Variants in CAMK2D observed in about 807,000 individuals in gnomAD.
CAMK2D encodes calcium/calmodulin-dependent protein kinase type II subunit delta.
In CAMK2D, 37 loss-of-function variants were observed where a neutral mutation model predicts 84.0. That is an observed-to-expected ratio of 0.44 (90% CI 0.34 to 0.58). The LOEUF (loss-of-function observed/expected upper bound fraction) is 0.58. CAMK2D is among the 20% of genes least tolerant of loss of function. The pLI, the probability that CAMK2D is intolerant of heterozygous loss-of-function variation, is 0.02. For missense variants in CAMK2D, 448 were observed against 652.5 expected (o/e 0.69, Z 3.41); for synonymous variants, 202 against 212.5 (o/e 0.95, Z 0.43).
chr4:113,556,532 T>C (rs912307209), intron 4 of CAMK2D, among the ~76,000 whole-genome samples: 2 of 152,124 alleles, frequency 1.3e-5, no homozygotes, highest in Non-Finnish European at 2.9e-5. Flanking sequence ...GTAGGAGTGT[T>C]ACTGGGTGTC....
chr4:113,761,127 C>T lies in CAMK2D; in HGVS notation c.-59G>A. 6.2e-7 allele frequency: 1 copy of T among 1,610,182 alleles called. No homozygotes were observed. The highest frequency in any genetic ancestry group is 2.2e-5 in the East Asian group (1 of 44,844). ...GACGGACCAGAAGCGAGCAGACGCG[C>T]GGCTAACCCCGGGACTGGCCCCGCG... On this transcript the variant is annotated 5_prime_UTR_variant, in exon 1 of 21. Coordinates refer to ENST00000511664, the MANE Select transcript of CAMK2D (RefSeq NM_001321571.2).
chr4:113,761,133 A>G lies in CAMK2D; in HGVS notation c.-65T>C, dbSNP rs2099640589. On this transcript the variant is annotated 5_prime_UTR_variant, in exon 1 of 21. Coordinates refer to ENST00000511664, the MANE Select transcript of CAMK2D (RefSeq NM_001321571.2). ...CCAGAAGCGAGCAGACGCGCGGCTA[A>G]CCCCGGGACTGGCCCCGCGGCGCTG... 2 of 1,596,742 alleles carry G rather than the reference A, an allele frequency of 1.3e-6. No individual in the cohort carries two copies. Among genetic ancestry groups the G allele is most frequent in the African/African-American group, 2.7e-5 (2 of 74,412 alleles).
At chr4:113,746,595 C>T (rs1047521902) in intron 2 of CAMK2D, among the ~76,000 whole-genome samples, 2 of 151,990 alleles carry the variant, frequency 1.3e-5, no homozygotes, top group African/African-American at 4.8e-5. Flanking sequence ...CTTGTTTTCC[C>T]TTTTCCTGAT....
chr4:113,536,152 A>C (rs1297342666), intron 7 of CAMK2D, among the ~76,000 whole-genome samples: 1 of 152,218 alleles, frequency 6.6e-6, no homozygotes, highest in Non-Finnish European at 1.5e-5. Context: ...AAAATATTAT[A>C]AACAGAATGA....
chr4:113,525,890 AAG>A (rs1484354919), intron 8 of CAMK2D, among the ~76,000 whole-genome samples: 2 of 152,220 alleles, frequency 1.3e-5, no homozygotes, highest in Non-Finnish European at 2.9e-5. Context: ...ATGGCTAAAA[AAG>A]AGTTTCCCTC....
chr4:113,488,013 A>G (rs1003742371), intron 16 of CAMK2D, among the ~76,000 whole-genome samples: 1 of 152,068 alleles, frequency 6.6e-6, no homozygotes, highest in Non-Finnish European at 1.5e-5. Flanking sequence ...GCTCAAATAT[A>G]GATTTCAGAT....
At chr4:113,633,945 T>C (rs1465040586) in intron 3 of CAMK2D, among the ~76,000 whole-genome samples, 2 of 152,256 alleles carry the variant, frequency 1.3e-5, no homozygotes, top group Admixed American at 1.3e-4. Context: ...AACCACACAA[T>C]AGTTGGAAAA....
chr4:113,748,763 G>A (rs991408219), intron 2 of CAMK2D, among the ~76,000 whole-genome samples: 9 of 151,710 alleles, frequency 5.9e-5, no homozygotes, highest in African/African-American at 2.2e-4. Flanking sequence ...CTTGTTTGGG[G>A]GAAATGAACT....
intron 6 of CAMK2D, among the ~76,000 whole-genome samples, chr4:113,540,577 C>T (rs1560821375): frequency 6.6e-6 from 1 of 152,160 alleles, no homozygotes; most frequent in Non-Finnish European, 1.5e-5. Context: ...ATGCCTGGAG[C>T]TAATTAATTA....
At chr4:113,586,490 GA>G (rs1234127628) in intron 4 of CAMK2D, among the ~76,000 whole-genome samples, 1 of 152,150 alleles carries the variant, frequency 6.6e-6, no homozygotes, top group Non-Finnish European at 1.5e-5. Context: ...AAAGAGTCCT[GA>G]AGAATGCACT....
At chr4:113,456,057 A>G (rs2097299591) in intron 19 of CAMK2D, among the ~76,000 whole-genome samples, 1 of 152,110 alleles carries the variant, frequency 6.6e-6, no homozygotes, top group African/African-American at 2.4e-5. Context: ...TCTTAATTAC[A>G]TAGCTATGGT....
chr4:113,615,162 T>C (rs1027913958), intron 3 of CAMK2D, among the ~76,000 whole-genome samples: 10 of 152,132 alleles, frequency 6.6e-5, no homozygotes, highest in African/African-American at 2.2e-4. Context: ...CAGTAGTTAA[T>C]TATAATTCAT....
At chr4:113,522,205 G>A (rs1278676085) in intron 8 of CAMK2D, among the ~76,000 whole-genome samples, 1 of 152,182 alleles carries the variant, frequency 6.6e-6, no homozygotes, top group African/African-American at 2.4e-5. Flanking sequence ...CTTACAAAAG[G>A]AGAGATGAAG....
At chr4:113,588,925 T>C (rs1000514477) in intron 4 of CAMK2D, among the ~76,000 whole-genome samples, 2 of 150,100 alleles carry the variant, frequency 1.3e-5, no homozygotes, top group Non-Finnish European at 3.0e-5. Context: ...TTAAGAAAAG[T>C]TGGTGAAGAA....
intron 3 of CAMK2D, among the ~76,000 whole-genome samples, chr4:113,626,800 C>T (rs961217985): frequency 1.3e-5 from 2 of 152,182 alleles, no homozygotes; most frequent in East Asian, 3.9e-4. Flanking sequence ...CAACATTTCT[C>T]GTAATGATGA....
intron 8 of CAMK2D, among the ~76,000 whole-genome samples, chr4:113,518,686 G>A (rs970212071): frequency 7.9e-5 from 12 of 152,116 alleles, no homozygotes; most frequent in African/African-American, 2.9e-4. Flanking sequence ...AGTAAGACAG[G>A]TGACACTTTG....
intron 6 of CAMK2D, among the ~76,000 whole-genome samples, chr4:113,546,641 A>C (rs985184233): frequency 6.6e-6 from 1 of 152,218 alleles, no homozygotes; most frequent in Non-Finnish European, 1.5e-5. Context: ...CTCTCACTAA[A>C]CACACATAGT....
intron 3 of CAMK2D, among the ~76,000 whole-genome samples, chr4:113,638,073 C>G (rs189968248): frequency 2.6e-5 from 4 of 152,256 alleles, no homozygotes; most frequent in Non-Finnish European, 4.4e-5. Context: ...GAGCTGGCTC[C>G]CCTGATCACT....
chr4:113,631,518 T>C (rs1407893783), intron 3 of CAMK2D, among the ~76,000 whole-genome samples: 2 of 152,188 alleles, frequency 1.3e-5, no homozygotes, highest in African/African-American at 4.8e-5. Context: ...CTAGTGATTT[T>C]GTGAGTTATT....
Sources: gnomAD v4.1 joint callset for allele counts (sites outside exome capture counted in the v4.1 genomes callset) on GRCh38, gnomAD v4.1.1 for gene constraint, MANE v1.5 for transcripts, NCBI Gene and HGNC (gene_info 2026-07-23, HGNC 2026-07-21) for gene names.